DPH6: variants seen among roughly 807,000 people sequenced by gnomAD.
The protein encoded by DPH6 is diphthine--ammonia ligase.
Under a neutral mutation model 38.2 loss-of-function variants are expected in DPH6, and 33 were observed. The ratio of observed to expected loss-of-function variants is 0.86; its 90% CI spans 0.65 to 1.15. The LOEUF is 1.15. Among genes scored for constraint, DPH6 ranks in the 50% most tolerant of loss-of-function variants. The pLI is 0.00. For synonymous variants in DPH6, 108 were observed against 103.0 expected (o/e 1.05, Z -0.30); for missense variants, 325 against 320.0 (o/e 1.02, Z -0.12).
chr15:35,287,840 T>A (rs184263318), intron 3 of DPH6, among the ~76,000 whole-genome samples: 1 of 152,296 alleles, frequency 6.6e-6, no homozygotes, highest in African/African-American at 2.4e-5. Flanking sequence ...AAAGGAGACA[T>A]TGCAAAATGT....
intron 3 of DPH6, among the ~76,000 whole-genome samples, chr15:35,301,826 T>C (rs60927533): frequency 0.026 from 3,912 of 151,904 alleles, 162 homozygotes; most frequent in African/African-American, 0.089. Flanking sequence ...TATAAAAAAT[T>C]AGCTGGGTGT....
In DPH6 at chr15:35,371,780, C is replaced by T. The variant is rs569953086; in HGVS notation, c.*370G>A. 5.0e-6 allele frequency: 5 copies of T among 996,542 alleles called. No individual in the cohort carries two copies. The highest frequency in any genetic ancestry group is 6.0e-6 in the Non-Finnish European group (5 of 838,074). 61.7% of individuals were successfully genotyped at this position (996,542 alleles called of 1,614,324 possible). A position where few individuals can be genotyped will look rare whatever the true frequency, so the allele number is the denominator to read the frequency against. On this transcript the variant is annotated 3_prime_UTR_variant, in exon 9 of 9. Coordinates refer to ENST00000256538, the MANE Select transcript of DPH6 (RefSeq NM_080650.4). The stretch of plus-strand genomic sequence containing the variant: ...TCATCTTCATTTTCAAATGCCTCTG[C>T]ATCATGACATTATTGGTAGGGATTG...
At chr15:35,264,401 C>T (rs190230942) in intron 3 of DPH6, among the ~76,000 whole-genome samples, 63 of 152,230 alleles carry the variant, frequency 4.1e-4, no homozygotes, top group African/African-American at 1.2e-3. Context: ...ATAGTCTCTA[C>T]GCTGATTTAC....
intron 3 of DPH6, among the ~76,000 whole-genome samples, chr15:35,495,205 T>C (rs1008692613): frequency 6.6e-6 from 1 of 152,178 alleles, no homozygotes; most frequent in African/African-American, 2.4e-5. Context: ...GTGGTATTTA[T>C]GTAAAATTAA....
the DPH6 span, among the ~76,000 whole-genome samples, chr15:35,182,317 G>A: frequency 7.2e-6 from 1 of 138,460 alleles, no homozygotes; most frequent in East Asian, 2.2e-4. Flanking sequence ...TCTTTGCAGA[G>A]TGTTTCAGAC....
chr15:35,234,774 T>C (rs1319771644), intron 3 of DPH6, among the ~76,000 whole-genome samples: 1 of 152,146 alleles, frequency 6.6e-6, no homozygotes, highest in Non-Finnish European at 1.5e-5. Context: ...GTTGGGAAAA[T>C]TGGATATGGA....
At chr15:35,403,920 T>A (rs1027279038) in intron 6 of DPH6, among the ~76,000 whole-genome samples, 5 of 152,020 alleles carry the variant, frequency 3.3e-5, no homozygotes, top group African/African-American at 1.2e-4. Flanking sequence ...AGTTTCTATT[T>A]CCATGAATTC....
intron 3 of DPH6, among the ~76,000 whole-genome samples, chr15:35,240,912 A>G (rs1192847882): frequency 7.0e-6 from 1 of 143,164 alleles, no homozygotes; most frequent in East Asian, 2.2e-4. Context: ...ACAATAATAG[A>G]AAAAAGTTGC....
intron 3 of DPH6, among the ~76,000 whole-genome samples, chr15:35,460,198 C>T (rs1595383646): frequency 6.6e-6 from 1 of 151,916 alleles, no homozygotes; most frequent in East Asian, 1.9e-4. Context: ...ACATACACTG[C>T]CAGTTCTTCA....
chr15:35,252,929 T>G (rs2051684315), intron 3 of DPH6, among the ~76,000 whole-genome samples: 1 of 152,226 alleles, frequency 6.6e-6, no homozygotes, highest in Non-Finnish European at 1.5e-5. Flanking sequence ...TAGAGTTGTA[T>G]CAACCTTCAA....
chr15:35,522,226 T>G, intron 3 of DPH6: 1 of 1,613,206 alleles, frequency 6.2e-7, no homozygotes, highest in Non-Finnish European at 8.5e-7. Context: ...CATGTGAAAA[T>G]CTTGGAGATT....
intron 6 of DPH6, among the ~76,000 whole-genome samples, chr15:35,386,305 C>T (rs2052956372): frequency 6.6e-6 from 1 of 152,204 alleles, no homozygotes; most frequent in Non-Finnish European, 1.5e-5. Context: ...CTGCAATAAA[C>T]ATATGTGTGC....
chr15:35,241,571 C>A (rs2051599321), intron 3 of DPH6, among the ~76,000 whole-genome samples: 1 of 142,762 alleles, frequency 7.0e-6, no homozygotes, highest in Non-Finnish European at 1.5e-5. Context: ...GCTTCCCTGA[C>A]TATTCCTGGA....
chr15:35,343,983 TG>T (rs1876712213), intron 3 of DPH6, among the ~76,000 whole-genome samples: 2 of 152,060 alleles, frequency 1.3e-5, no homozygotes. Flanking sequence ...CTAAACTGAT[TG>T]ATCTAGGTTT....
intron 6 of DPH6, among the ~76,000 whole-genome samples, chr15:35,397,046 A>G (rs1287485286): frequency 6.6e-6 from 1 of 152,256 alleles, no homozygotes; most frequent in African/African-American, 2.4e-5. Flanking sequence ...AACTGGATCT[A>G]ATCTTTTATG....
At chr15:35,422,245 T>A (rs562997637) in intron 5 of DPH6, among the ~76,000 whole-genome samples, 1 of 152,004 alleles carries the variant, frequency 6.6e-6, no homozygotes, top group East Asian at 1.9e-4. Flanking sequence ...AGTTATCTAA[T>A]TAGATTTTGG....
intron 3 of DPH6, among the ~76,000 whole-genome samples, chr15:35,250,533 A>G (rs2051667057): frequency 6.6e-6 from 1 of 152,192 alleles, no homozygotes; most frequent in South Asian, 2.1e-4. Context: ...GAAACATGCA[A>G]AAGGTTCTTA....
At chr15:35,422,413 C>T (rs949686378) in intron 5 of DPH6, among the ~76,000 whole-genome samples, 4 of 151,800 alleles carry the variant, frequency 2.6e-5, no homozygotes, top group Admixed American at 1.3e-4. Context: ...ATTTTCTTTC[C>T]CCATTAGCTT....
intron 1 of DPH6, among the ~76,000 whole-genome samples, chr15:35,545,440 G>C (rs1435981456): frequency 3.3e-5 from 5 of 152,210 alleles, no homozygotes; most frequent in African/African-American, 1.2e-4. Flanking sequence ...GCAATGATGA[G>C]AGTCCGAAGC....
Sources: allele counts gnomAD v4.1 joint callset (sites outside exome capture counted in the v4.1 genomes callset), GRCh38; gene constraint gnomAD v4.1.1; transcripts MANE v1.5; gene names NCBI Gene and HGNC (gene_info 2026-07-23, HGNC 2026-07-21).